The following AXIN2 variants were observed in gnomAD, a reference collection of about 807,000 sequenced individuals.
AXIN2 encodes axin-2.
AXIN2 carries 21 observed loss-of-function variants against 74.7 expected under a neutral mutation model. The observed-to-expected ratio is 0.28, with a 90% confidence interval of 0.20 to 0.40. The LOEUF (loss-of-function observed/expected upper bound fraction) is 0.40, where lower values mean the gene tolerates loss of function less well. Among genes scored for constraint, AXIN2 ranks in the 10% least tolerant of loss-of-function variants. The pLI, the probability that AXIN2 is intolerant of heterozygous loss-of-function variation, is 1.00. For synonymous variants in AXIN2, 532 were observed against 454.9 expected (o/e 1.17, Z -2.16); for missense variants, 1,144 against 1,111.1 (o/e 1.03, Z -0.42).
chr17:65,549,255 T>G (rs2044157894), intron 3 of AXIN2, among the ~76,000 whole-genome samples: 1 of 152,206 alleles, frequency 6.6e-6, no homozygotes, highest in Non-Finnish European at 1.5e-5. Flanking sequence ...TCATTCATCC[T>G]AATCTTCTAC....
intron 2 of AXIN2, among the ~76,000 whole-genome samples, chr17:65,553,338 CA>C (rs1204507237): frequency 2.6e-5 from 4 of 152,042 alleles, no homozygotes; most frequent in Non-Finnish European, 5.9e-5. Context: ...GGTGCAACAC[CA>C]AAAAAGCCAA....
intron 1 of AXIN2, among the ~76,000 whole-genome samples, chr17:65,559,032 G>A (rs969274797): frequency 2.0e-5 from 3 of 152,110 alleles, no homozygotes; most frequent in African/African-American, 7.2e-5. Flanking sequence ...GGGGACACTG[G>A]AGGTGTAAGA....
rs1227518579 is a variant in AXIN2, at chr17:65,535,682, C to G, written c.2181G>C (p.Ser727=). 3.7e-6 allele frequency: 6 copies of G among 1,614,020 alleles called. No individual in the cohort carries two copies. In the African/African-American group the frequency reaches 5.3e-5, roughly 14 times the overall value. ...GTGTGGCTCCCGTCTGAACAGTGGCCGAATGATTCCTGTCCCTCTGCTGAC... is the reference window on the plus strand; with the variant it reads ...GTGTGGCTCCCGTCTGAACAGTGGCGGAATGATTCCTGTCCCTCTGCTGAC... ...VASQQRDRNH[S]ATVQTGATPF... is the part of the protein sequence containing the mutation. Residue 727 remains serine, a synonymous_variant, in exon 9 of 11, where the codon TCG becomes TCC. Coordinates refer to ENST00000307078, the MANE Select transcript of AXIN2 (RefSeq NM_004655.4).
intron 2 of AXIN2, among the ~76,000 whole-genome samples, chr17:65,553,654 C>CG (rs1567765782): frequency 6.6e-6 from 1 of 152,070 alleles, no homozygotes; most frequent in Non-Finnish European, 1.5e-5. Flanking sequence ...ATATACTGCT[C>CG]TTAACTCAGT....
intron 1 of AXIN2, chr17:65,559,840 C>G (rs1317113337): frequency 1.3e-5 from 2 of 152,310 alleles, no homozygotes; most frequent in Non-Finnish European, 2.9e-5. Flanking sequence ...TGGGTGCACG[C>G]TGAACCCGAC....
At chr17:65,541,699 A>C (rs1210545181) in intron 3 of AXIN2, 142 bp from the exon 4 acceptor site, 3 of 757,530 alleles carry the variant, frequency 4.0e-6, no homozygotes, top group Non-Finnish European at 7.0e-6. Context: ...TCCAGATACC[A>C]TCGGTGCTCC....
chr17:65,553,295 G>A (rs1034446094), intron 2 of AXIN2, among the ~76,000 whole-genome samples: 5 of 152,110 alleles, frequency 3.3e-5, no homozygotes, highest in Non-Finnish European at 7.3e-5. Flanking sequence ...CATTAGATGG[G>A]TCACTGGAAA....
Position 65,528,587 on chromosome 17 carries a change from A to G in AXIN2, c.*1389T>C, listed in dbSNP as rs2043765652. ...GTTTTGAAAAATATAAAATTTTAAT[A>G]AAGGCTACATCTCTTAATTACAATA... On this transcript the variant is annotated 3_prime_UTR_variant, in exon 11 of 11. Coordinates refer to ENST00000307078, the MANE Select transcript of AXIN2 (RefSeq NM_004655.4). 2 of 472,444 alleles carry G rather than the reference A, an allele frequency of 4.2e-6. No homozygotes were observed. The highest frequency in any genetic ancestry group is 7.9e-6 in the Non-Finnish European group (2 of 252,936). 29.3% of individuals were successfully genotyped at this position (472,444 alleles called of 1,614,324 possible). A position where few individuals can be genotyped will look rare whatever the true frequency, so the allele number is the denominator to read the frequency against.
intron 6 of AXIN2, 37 bp downstream of exon 6, chr17:65,537,286 AG>A (rs1228493317): frequency 6.2e-7 from 1 of 1,612,944 alleles, no homozygotes; most frequent in Non-Finnish European, 8.5e-7. Context: ...CTGGGAGACA[AG>A]CCCCACACGG....
intron 5 of AXIN2, 94 bp from the exon 6 acceptor site, chr17:65,537,929 C>G (rs961653475): frequency 1.4e-6 from 2 of 1,458,746 alleles, no homozygotes; most frequent in Admixed American, 2.2e-5. Flanking sequence ...CGCAGGAGCA[C>G]GCACACCCGT....
intron 2 of AXIN2, among the ~76,000 whole-genome samples, chr17:65,555,873 A>G (rs2044260310): frequency 6.6e-6 from 1 of 152,100 alleles, no homozygotes; most frequent in Non-Finnish European, 1.5e-5. Flanking sequence ...GTTAAGACAT[A>G]TGAGCTTCAG....
At chr17:65,531,135 G>A (rs1352227522) in intron 10 of AXIN2, among the ~76,000 whole-genome samples, 3 of 151,736 alleles carry the variant, frequency 2.0e-5, no homozygotes, top group Non-Finnish European at 4.4e-5. Context: ...GGGGATGGGA[G>A]AACCTTTCAA....
At position 65,528,695 on chromosome 17, in the gene AXIN2, A is replaced by G. The variant is rs779522923; in HGVS notation, c.*1281T>C. The G allele has an allele frequency of 1.9e-6, 1 of 513,098 alleles. No homozygotes were observed. The highest frequency in any genetic ancestry group is 3.7e-6 in the Non-Finnish European group (1 of 270,780). The allele number at this position is 513,098 out of a possible 1,614,324, so 31.8% of individuals were successfully genotyped here. A position where few individuals can be genotyped will look rare whatever the true frequency, so the allele number is the denominator to read the frequency against. On this transcript the variant is annotated 3_prime_UTR_variant, in exon 11 of 11. Transcript: ENST00000307078. ...ATAAGTAGAACAAAATGTCATGACA[A>G]AAGTCATTGAGTACAAGACTTGTAA...
rs1410545958 is a variant in AXIN2 at position 65,528,903 on chromosome 17, T to C, written c.*1073A>G. 9 of 332,740 alleles carry C rather than the reference T, an allele frequency of 2.7e-5. No individual in the cohort carries two copies. The highest frequency in any genetic ancestry group is 1.8e-4 in the South Asian group (4 of 22,224). The allele number at this position is 332,740 out of a possible 1,614,324, so 20.6% of individuals were successfully genotyped here. ...TTTTGCCGTACACTATATACAGATGTATAGTACAAGTAACAATGGCAAACA... is the reference window on the plus strand; with the variant it reads ...TTTTGCCGTACACTATATACAGATGCATAGTACAAGTAACAATGGCAAACA... On this transcript the variant is annotated 3_prime_UTR_variant, in exon 11 of 11. Transcript: ENST00000307078.
intron 1 of AXIN2, chr17:65,561,032 G>A (rs1304138103): frequency 1.3e-5 from 2 of 149,102 alleles, no homozygotes; most frequent in Non-Finnish European, 3.0e-5. Context: ...GGCCGGGGAG[G>A]GGGAACGGCG....
At position 65,538,082 on chromosome 17, in the gene AXIN2, C is replaced by CGCGCAT. The variant is rs751920055; in HGVS notation, c.1200+115_1200+120dup. On this transcript the variant is annotated intron_variant, in intron 5 of 10. Coordinates refer to ENST00000307078, the MANE Select transcript of AXIN2 (RefSeq NM_004655.4). ...CAGGCACACACCCACACGCAGCCCA[C>CGCGCAT]GCGCATGCGCATGCAACCCACGCAC... 6.0e-5 allele frequency: 92 copies of CGCGCAT among 1,544,536 alleles called. No individual in the cohort carries two copies. In the South Asian group the frequency reaches 7.7e-4, roughly 13 times the overall value.
rs1057520236 is a variant in AXIN2 at position 65,549,677 on chromosome 17, A to G, written c.816-17T>C. On this transcript the variant is annotated splice_polypyrimidine_tract_variant and intron_variant, in intron 2 of 10. Coordinates refer to ENST00000307078, the MANE Select transcript of AXIN2 (RefSeq NM_004655.4). ...TTGAAGGACCTATGGGCAAAGTACA[A>G]AAGTGGTTCAGTCACTGACCCTCAC... The G allele has an allele frequency of 3.0e-5, 48 of 1,585,926 alleles. No individual in the cohort carries two copies. The highest frequency in any genetic ancestry group is 3.7e-5 in the Non-Finnish European group (43 of 1,164,698).
intron 2 of AXIN2, among the ~76,000 whole-genome samples, chr17:65,550,293 C>CT (rs2044172606): frequency 6.6e-6 from 1 of 152,206 alleles, no homozygotes; most frequent in Non-Finnish European, 1.5e-5. Flanking sequence ...TGCCATGCCC[C>CT]TTCCCCCAAC....
chr17:65,555,568 G>A (rs1435395585), intron 2 of AXIN2, among the ~76,000 whole-genome samples: 8 of 152,008 alleles, frequency 5.3e-5, no homozygotes, highest in Non-Finnish European at 1.2e-4. Context: ...AACACTTTGC[G>A]GCGGTTCAAA....
Sources: allele counts gnomAD v4.1 joint callset (sites outside exome capture counted in the v4.1 genomes callset), GRCh38; gene constraint gnomAD v4.1.1; transcripts MANE v1.5; gene names NCBI Gene and HGNC (gene_info 2026-07-23, HGNC 2026-07-21).